Variants in CIMAP1D observed in about 807,000 individuals in gnomAD.
CIMAP1D encodes protein CIMAP1D.
chr19:476,791 G>A, the CIMAP1D span, among the ~76,000 whole-genome samples: 1 of 152,090 alleles, frequency 6.6e-6, no homozygotes, highest in Non-Finnish European at 1.5e-5. Flanking sequence ...CATCAAAGAA[G>A]TCATCACAAA....
At chr19:479,030 C>T in the CIMAP1D span, among the ~76,000 whole-genome samples, 441 of 152,226 alleles carry the variant, frequency 2.9e-3, 1 homozygote, top group African/African-American at 0.01. Context: ...ATGGAGGAAA[C>T]GTGGGCGAAG....
chr19:465,215 T>G, the CIMAP1D span, among the ~76,000 whole-genome samples: 6 of 127,354 alleles, frequency 4.7e-5, no homozygotes, highest in African/African-American at 1.9e-4. Flanking sequence ...GATGGGTGGA[T>G]AGAATGTTGG....
At chr19:463,630 G>A in the CIMAP1D span, 2 of 683,246 alleles carry the variant, frequency 2.9e-6, no homozygotes, top group Admixed American at 3.6e-5. Flanking sequence ...CTGGGGCACT[G>A]GAAGGAGACT....
chr19:464,578 A>G, the CIMAP1D span, among the ~76,000 whole-genome samples: 7 of 151,948 alleles, frequency 4.6e-5, no homozygotes, highest in Non-Finnish European at 8.8e-5. Flanking sequence ...GCACGCCTTC[A>G]TTTTCCACCC....
At chr19:467,168 G>A in the CIMAP1D span, among the ~76,000 whole-genome samples, 11 of 134,370 alleles carry the variant, frequency 8.2e-5, no homozygotes, top group Non-Finnish European at 1.7e-4. Context: ...GGGTGGGTGG[G>A]TGGATGGATG....
chr19:488,545 G>A, the CIMAP1D span, among the ~76,000 whole-genome samples: 9 of 152,250 alleles, frequency 5.9e-5, no homozygotes, highest in African/African-American at 2.2e-4. Flanking sequence ...GTAAATCAGT[G>A]TGGAACTAAC....
chr19:489,613 C>T, the CIMAP1D span: 1 of 162,840 alleles, frequency 6.1e-6, no homozygotes, highest in Non-Finnish European at 1.3e-5. Context: ...AACAGGCTCC[C>T]GGGGGCCGTC....
chr19:480,715 T>G, the CIMAP1D span, among the ~76,000 whole-genome samples: 2 of 105,836 alleles, frequency 1.9e-5, no homozygotes, highest in Non-Finnish European at 3.5e-5. Flanking sequence ...GGAGAAGGAA[T>G]GTGGGAAGGA....
At chr19:468,890 C>G in the CIMAP1D span, among the ~76,000 whole-genome samples, 1 of 133,216 alleles carries the variant, frequency 7.5e-6, no homozygotes, top group African/African-American at 2.6e-5. Flanking sequence ...CCTTTGCCCT[C>G]CCCTGAGGAG....
At chr19:469,169 C>A in the CIMAP1D span, among the ~76,000 whole-genome samples, 10 of 152,158 alleles carry the variant, frequency 6.6e-5, no homozygotes, top group East Asian at 9.7e-4. Flanking sequence ...TTAGCCCCTT[C>A]CCCAGGCCCT....
chr19:463,838 C>T, the CIMAP1D span: 97 of 1,604,724 alleles, frequency 6.0e-5, no homozygotes, highest in Middle Eastern at 4.2e-4. Context: ...GGGAAACAGG[C>T]CTGGCCTAGC....
At chr19:475,958 A>G in the CIMAP1D span, among the ~76,000 whole-genome samples, 1 of 129,014 alleles carries the variant, frequency 7.8e-6, no homozygotes, top group Non-Finnish European at 1.6e-5. Flanking sequence ...ATTTTTTAGT[A>G]GAGATGGGGT....
chr19:474,726 A>G, the CIMAP1D span: 12 of 1,543,428 alleles, frequency 7.8e-6, no homozygotes, highest in Non-Finnish European at 9.6e-6. Context: ...CGTGGGGTGG[A>G]GTCGCAGCTG....
At chr19:480,813 G>A in the CIMAP1D span, among the ~76,000 whole-genome samples, 3 of 134,690 alleles carry the variant, frequency 2.2e-5, no homozygotes, top group African/African-American at 1.0e-4. Flanking sequence ...ATGTAGGAAG[G>A]ATGATGGGGA....
the CIMAP1D span, among the ~76,000 whole-genome samples, chr19:485,932 C>T: frequency 1.3e-5 from 2 of 151,724 alleles, no homozygotes; most frequent in African/African-American, 4.9e-5. Context: ...GTCCGGCGGC[C>T]AGCCCCCTGA....
the CIMAP1D span, among the ~76,000 whole-genome samples, chr19:466,407 A>C: frequency 1.4e-5 from 1 of 70,724 alleles, no homozygotes; most frequent in African/African-American, 5.7e-5. Context: ...GGTGGATACA[A>C]GGTTAGGTAG....
chr19:485,244 G>A, the CIMAP1D span, among the ~76,000 whole-genome samples: 11 of 152,190 alleles, frequency 7.2e-5, no homozygotes, highest in Admixed American at 5.2e-4. Flanking sequence ...CCACGTGGGT[G>A]CGCACGATGA....
chr19:472,482 A>T, the CIMAP1D span: 2 of 1,544,982 alleles, frequency 1.3e-6, no homozygotes, highest in Admixed American at 2.0e-5. Flanking sequence ...ACGGCAGGAC[A>T]TACAAGCCTG....
At chr19:489,064 C>T in the CIMAP1D span, 1 of 152,258 alleles carries the variant, frequency 6.6e-6, no homozygotes, top group African/African-American at 2.4e-5. Flanking sequence ...CCCCGGCGCC[C>T]CGCGCTCCGC....
Sources: gnomAD v4.1 joint callset for allele counts (sites outside exome capture counted in the v4.1 genomes callset) on GRCh38, gnomAD v4.1.1 for gene constraint, MANE v1.5 for transcripts, NCBI Gene and HGNC (gene_info 2026-07-23, HGNC 2026-07-21) for gene names.